The following C1QTNF3 variants were observed in gnomAD, a reference collection of about 807,000 sequenced individuals.
C1QTNF3 encodes complement C1q tumor necrosis factor-related protein 3.
A neutral mutation model predicts 32.6 loss-of-function variants in C1QTNF3; 26 were observed. That is an observed-to-expected ratio of 0.80 (90% CI 0.58 to 1.11). The LOEUF (loss-of-function observed/expected upper bound fraction) is 1.11. Among genes scored for constraint, C1QTNF3 ranks in the 50% least tolerant of loss-of-function variants. C1QTNF3 has a pLI of 0.00. For missense variants in C1QTNF3, 362 were observed against 398.2 expected (o/e 0.91, Z 0.77); for synonymous variants, 155 against 146.0 (o/e 1.06, Z -0.44).
the C1QTNF3 span, among the ~76,000 whole-genome samples, chr5:34,053,720 C>A: frequency 6.6e-6 from 1 of 152,148 alleles, no homozygotes; most frequent in African/African-American, 2.4e-5. Context: ...TATATTTGAC[C>A]GAATAATAGC....
intron 3 of C1QTNF3, among the ~76,000 whole-genome samples, chr5:34,032,233 G>C (rs1754630871): frequency 6.6e-6 from 1 of 152,188 alleles, no homozygotes; most frequent in African/African-American, 2.4e-5. Context: ...CCCAAAGTTA[G>C]TAATTTTCCT....
chr5:34,036,956 A>G (rs1754758248), intron 1 of C1QTNF3, among the ~76,000 whole-genome samples: 1 of 152,250 alleles, frequency 6.6e-6, no homozygotes, highest in Non-Finnish European at 1.5e-5. Context: ...CAGTCTCAAA[A>G]AAAAAAAATT....
At chr5:34,156,705 G>A in the C1QTNF3 span, among the ~76,000 whole-genome samples, 2 of 152,008 alleles carry the variant, frequency 1.3e-5, no homozygotes, top group Non-Finnish European at 2.9e-5. Context: ...ATATGTTGTG[G>A]GGGGAAATTA....
chr5:34,203,959 A>G, the C1QTNF3 span, among the ~76,000 whole-genome samples: 1 of 152,136 alleles, frequency 6.6e-6, no homozygotes, highest in African/African-American at 2.4e-5. Context: ...GGATCAATTC[A>G]GCAAGAGGAT....
chr5:34,100,928 A>C, the C1QTNF3 span, among the ~76,000 whole-genome samples: 5 of 152,002 alleles, frequency 3.3e-5, no homozygotes. Flanking sequence ...ATTATTTCCC[A>C]ACACTTTAAA....
chr5:34,082,721 G>T, the C1QTNF3 span, among the ~76,000 whole-genome samples: 1 of 151,650 alleles, frequency 6.6e-6, no homozygotes, highest in Non-Finnish European at 1.5e-5. Context: ...ACCTGAGAAA[G>T]CAACAGACAA....
the C1QTNF3 span, among the ~76,000 whole-genome samples, chr5:34,177,368 A>G: frequency 1.3e-5 from 2 of 151,828 alleles, no homozygotes; most frequent in African/African-American, 2.4e-5. Flanking sequence ...GTGGGAGTAC[A>G]GTGGTGCAAT....
At chr5:34,056,070 A>G in the C1QTNF3 span, among the ~76,000 whole-genome samples, 10 of 152,178 alleles carry the variant, frequency 6.6e-5, no homozygotes, top group African/African-American at 2.4e-4. Context: ...AATGGCATCC[A>G]TCAGTTTTAT....
the C1QTNF3 span, among the ~76,000 whole-genome samples, chr5:34,194,922 A>T: frequency 6.7e-6 from 1 of 148,480 alleles, no homozygotes; most frequent in Non-Finnish European, 1.5e-5. Flanking sequence ...TTGTGTAAGG[A>T]ATAAGGACAA....
At chr5:34,234,106 C>T in the C1QTNF3 span, among the ~76,000 whole-genome samples, 1 of 152,054 alleles carries the variant, frequency 6.6e-6, no homozygotes, top group African/African-American at 2.4e-5. Flanking sequence ...TATCAGATGA[C>T]TTTTATTATT....
At chr5:34,176,849 C>A in the C1QTNF3 span, among the ~76,000 whole-genome samples, 1 of 105,596 alleles carries the variant, frequency 9.5e-6, no homozygotes, top group Non-Finnish European at 2.2e-5. Flanking sequence ...AGAACAAGAC[C>A]CTATCTCATG....
chr5:34,136,083 A>G, the C1QTNF3 span, among the ~76,000 whole-genome samples: 2 of 152,192 alleles, frequency 1.3e-5, no homozygotes, highest in Non-Finnish European at 2.9e-5. Context: ...ATGGGCAAGG[A>G]CTTCATGGAA....
the C1QTNF3 span, among the ~76,000 whole-genome samples, chr5:34,232,421 T>C: frequency 2.0e-5 from 3 of 151,488 alleles, no homozygotes; most frequent in Non-Finnish European, 4.4e-5. Context: ...AGAGGAGAAA[T>C]AATATGGCTT....
chr5:34,203,093 A>G, the C1QTNF3 span, among the ~76,000 whole-genome samples: 1 of 152,338 alleles, frequency 6.6e-6, no homozygotes, highest in South Asian at 2.1e-4. Context: ...TGTCCCAAAC[A>G]CAAAAATGAA....
At chr5:34,068,643 A>C in the C1QTNF3 span, among the ~76,000 whole-genome samples, 1 of 152,280 alleles carries the variant, frequency 6.6e-6, no homozygotes, top group South Asian at 2.1e-4. Flanking sequence ...GCTTAGTTAC[A>C]TTATTTGTCA....
chr5:34,097,099 CA>C, the C1QTNF3 span, among the ~76,000 whole-genome samples: 3 of 151,854 alleles, frequency 2.0e-5, no homozygotes, highest in South Asian at 6.2e-4. Flanking sequence ...ATGTGTGAGT[CA>C]ATCTCATCTC....
chr5:34,043,260 T>A, upstream of C1QTNF3: 1 of 910,628 alleles, frequency 1.1e-6, no homozygotes, highest in Non-Finnish European at 1.6e-6. Context: ...GTGTAATAAA[T>A]AAGGCTGTAG....
chr5:34,106,400 A>G, the C1QTNF3 span: 1 of 151,468 alleles, frequency 6.6e-6, no homozygotes, highest in Non-Finnish European at 1.5e-5. Context: ...TTATTAGGAA[A>G]AATATATATA....
chr5:34,122,575 T>C, the C1QTNF3 span, among the ~76,000 whole-genome samples: 2 of 152,226 alleles, frequency 1.3e-5, no homozygotes, highest in South Asian at 4.2e-4. Context: ...GATAGTAAAA[T>C]ATGCAAAGAG....
Sources: allele counts gnomAD v4.1 joint callset (sites outside exome capture counted in the v4.1 genomes callset), GRCh38; gene constraint gnomAD v4.1.1; transcripts MANE v1.5; gene names NCBI Gene and HGNC (gene_info 2026-07-23, HGNC 2026-07-21).